The following WLS variants were observed in gnomAD, a reference collection of about 807,000 sequenced individuals.
The protein encoded by WLS is Wnt ligand secretion mediator, also known as protein wntless homolog.
Under a neutral mutation model 62.8 loss-of-function variants are expected in WLS, and 23 were observed. The ratio of observed to expected loss-of-function variants is 0.37; its 90% CI spans 0.26 to 0.52. The LOEUF (loss-of-function observed/expected upper bound fraction) is 0.52. WLS is among the 20% of genes least tolerant of loss of function. WLS has a pLI of 0.92. For missense variants in WLS, 615 were observed against 697.3 expected, an observed-to-expected ratio of 0.88 and a Z score of 1.33; for synonymous variants, 246 against 244.1, an observed-to-expected ratio of 1.01 and a Z score of -0.07.
In WLS at chr1:68,130,539, A is replaced by G. The variant is rs558521976; in HGVS notation, c.1517-4204T>C. The stretch of plus-strand genomic sequence containing the variant: ...CTAGGCCCACACCAACCTCTCTCCT[A>G]TTCACCTTCAAAGCTAAGTTCAAAT... On this transcript the variant is annotated intron_variant, in intron 11 of 11. Transcript: ENST00000262348. Among the ~76,000 whole-genome samples the G allele has an allele frequency of 1.9e-4, 29 of 152,286 alleles. No homozygotes were observed. The East Asian group carries it at 5.6e-3, about 29-fold the overall frequency.
intron 2 of WLS, among the ~76,000 whole-genome samples, chr1:68,160,202 G>C (rs1317854658): frequency 6.6e-6 from 1 of 151,138 alleles, no homozygotes; most frequent in East Asian, 1.9e-4. Context: ...CATTTTGTTA[G>C]GTTATTGGCA....
At chr1:68,153,367 C>T (rs1646852751) in intron 5 of WLS, 150 bp downstream of exon 5, 2 of 962,216 alleles carry the variant, frequency 2.1e-6, no homozygotes, top group Non-Finnish European at 3.0e-6. Flanking sequence ...AGGAAAACTG[C>T]AGGAGAAAAA....
rs377553356 is a variant in WLS, at chr1:68,232,311, C to G, written c.-12G>C. ...ATTGCCCCAGCCATTTTTGCGCCCC[C>G]CCTTTTTCTTTTCTCCTTGAAATAA... On this transcript the variant is annotated 5_prime_UTR_variant, in exon 1 of 12. Transcript: ENST00000262348. 2 of 1,613,126 alleles carry G rather than the reference C, an allele frequency of 1.2e-6. No individual in the cohort carries two copies. The highest frequency in any genetic ancestry group is 2.2e-5 in the East Asian group (1 of 44,822).
chr1:68,147,467 T>C (rs1265010152), intron 8 of WLS, among the ~76,000 whole-genome samples: 1 of 152,182 alleles, frequency 6.6e-6, no homozygotes, highest in Non-Finnish European at 1.5e-5. Flanking sequence ...CAAGGAAGAA[T>C]ACAACCCAAG....
chr1:68,155,197 C>G lies in WLS; in HGVS notation c.568G>C (p.Val190Leu). ...DVLPFMEIGS[V>L]AHKFYLLNIR... is the part of the protein sequence containing the mutation. ...TTTAAAAGGTAAAACTTATGGGCCA[C>G]AGACCCAATTTCCATGAAAGGAAGG... Residue 190 changes from valine (V) to leucine (L), a missense_variant, in exon 4 of 12, where the codon GTG (valine) becomes CTG (leucine). Physicochemically the swap from Val to Leu is conservative, Grantham distance 32. Transcript: ENST00000262348. 6.2e-7 allele frequency: 1 copy of G among 1,613,968 alleles called. No homozygotes were observed.
At chr1:68,116,774 G>C (rs2566762) in intron 11 of WLS, among the ~76,000 whole-genome samples, 1 of 152,128 alleles carries the variant, frequency 6.6e-6, no homozygotes, top group East Asian at 1.9e-4. Flanking sequence ...GTTGTTGGGT[G>C]AATGAATCTA....
chr1:68,146,476 T>A (rs1407566371), intron 8 of WLS, among the ~76,000 whole-genome samples: 1 of 152,184 alleles, frequency 6.6e-6, no homozygotes, highest in Non-Finnish European at 1.5e-5. Flanking sequence ...TGGAATCAGA[T>A]ATTCCAGGGC....
chr1:68,173,194 C>T (rs1481193460), intron 2 of WLS, among the ~76,000 whole-genome samples: 1 of 152,190 alleles, frequency 6.6e-6, no homozygotes, highest in Non-Finnish European at 1.5e-5. Flanking sequence ...GAACTCAGAA[C>T]CATCTAAGTT....
In WLS at chr1:68,125,934, A is replaced by T; in HGVS notation, c.*292T>A. The T allele has an allele frequency of 3.6e-6, 4 of 1,106,016 alleles. No individual in the cohort carries two copies. The highest frequency in any genetic ancestry group is 4.4e-6 in the Non-Finnish European group (4 of 905,484). 68.5% of individuals were successfully genotyped at this position (1,106,016 alleles called of 1,614,324 possible). ...CCCACCCCACCCCCACATGAGGTTT[A>T]CTAACCAGCTGCTACAGATGTTACT... On this transcript the variant is annotated 3_prime_UTR_variant, in exon 12 of 12. Coordinates refer to ENST00000262348, the MANE Select transcript of WLS (RefSeq NM_024911.7).
At chr1:68,205,651 C>T (rs2100636947) in intron 1 of WLS, among the ~76,000 whole-genome samples, 1 of 152,296 alleles carries the variant, frequency 6.6e-6, no homozygotes, top group Non-Finnish European at 1.5e-5. Context: ...GATTTTATGA[C>T]AAAATGTGTC....
At chr1:68,169,830 T>G (rs186758789) in intron 2 of WLS, among the ~76,000 whole-genome samples, 2 of 152,362 alleles carry the variant, frequency 1.3e-5, no homozygotes, top group East Asian at 3.9e-4. Context: ...TAAGGTGTTA[T>G]GTAGCAGCCT....
Position 68,172,149 on chromosome 1 carries a change from C to T in WLS, c.380-12902G>A, listed in dbSNP as rs559790144. Among the ~76,000 whole-genome samples the T allele has an allele frequency of 1.4e-3, 195 of 142,472 alleles. 1 individual carries two copies. The highest frequency in any genetic ancestry group is 4.9e-3 in the African/African-American group (186 of 38,144). 93.5% of individuals were successfully genotyped at this position (142,472 alleles called of 152,430 possible). A position where few individuals can be genotyped will look rare whatever the true frequency, so the allele number is the denominator to read the frequency against. On this transcript the variant is annotated intron_variant, in intron 2 of 11. Transcript: ENST00000262348. ...GGACACAGGGAGGGGAACATCACAC[C>T]TGGGCCTGTTGAGGGGTGGGGGGAT...
intron 1 of WLS, among the ~76,000 whole-genome samples, chr1:68,209,268 C>G (rs538028478): frequency 6.8e-4 from 103 of 152,346 alleles, no homozygotes; most frequent in African/African-American, 2.4e-3. Context: ...AAAATTCATA[C>G]TCCATCAAGC....
At chr1:68,214,866 C>T (rs1649665107) in intron 1 of WLS, among the ~76,000 whole-genome samples, 1 of 152,072 alleles carries the variant, frequency 6.6e-6, no homozygotes, top group Admixed American at 6.6e-5. Flanking sequence ...TGAATTCCAC[C>T]CTGTATTTTA....
chr1:68,120,557 G>A (rs1032090656), downstream of WLS, among the ~76,000 whole-genome samples: 25 of 152,244 alleles, frequency 1.6e-4, no homozygotes, highest in Admixed American at 2.0e-4. Flanking sequence ...AGGTGACCTT[G>A]CACAGGTCAC....
intron 6 of WLS, among the ~76,000 whole-genome samples, chr1:68,149,107 G>A (rs1557476896): frequency 1.3e-5 from 2 of 152,168 alleles, no homozygotes; most frequent in Non-Finnish European, 1.5e-5. Context: ...AGGAAAATAG[G>A]CATATTTTCT....
intron 1 of WLS, among the ~76,000 whole-genome samples, chr1:68,216,342 A>G (rs1345976988): frequency 6.6e-6 from 1 of 152,228 alleles, no homozygotes; most frequent in African/African-American, 2.4e-5. Context: ...GGACTGGCCT[A>G]TCTTAGAGTG....
Position 68,159,240 on chromosome 1 carries a change from A to C in WLS, c.387T>G (p.Asn129Lys), listed in dbSNP as rs756461463. Residue 129 changes from asparagine (N) to lysine (K), a missense_variant, in exon 3 of 12, where the codon AAT becomes AAG. By Grantham distance (94) the Asn-to-Lys change is moderately conservative. Transcript: ENST00000262348. Reference protein sequence around the residue: ...AFKLNNQIRENAEVSMDVSLA... With the variant: ...AFKLNNQIREKAEVSMDVSLA... Reference sequence around the variant, plus strand: ...GGGAAACGTCCATGGAGACTTCTGCATTTTCTCCTGCAAGAGAAAGGATGC... The same window carrying C: ...GGGAAACGTCCATGGAGACTTCTGCCTTTTCTCCTGCAAGAGAAAGGATGC... 6.2e-7 allele frequency: 1 copy of C among 1,612,844 alleles called. No individual in the cohort carries two copies. Among genetic ancestry groups the C allele is most frequent in the Non-Finnish European group, 8.5e-7 (1 of 1,179,718 alleles).
At position 68,126,201 on chromosome 1, in the gene WLS, C is replaced by T. The variant is rs41287850; in HGVS notation, c.*25G>A. The T allele has an allele frequency of 0.036, 58,786 of 1,613,170 alleles. 1,204 individuals carry two copies. The highest frequency in any genetic ancestry group is 0.041 in the Non-Finnish European group (48,013 of 1,179,608). On this transcript the variant is annotated 3_prime_UTR_variant, in exon 12 of 12. Transcript: ENST00000262348. ...TAGAGGGGCTGGGGTATGGAGAGACCGTCCCAGCCGGGCGCTGCAGCCTCC... is the reference window on the plus strand; with the variant it reads ...TAGAGGGGCTGGGGTATGGAGAGACTGTCCCAGCCGGGCGCTGCAGCCTCC...
Sources: gnomAD v4.1 joint callset for allele counts (sites outside exome capture counted in the v4.1 genomes callset) on GRCh38, gnomAD v4.1.1 for gene constraint, MANE v1.5 for transcripts, NCBI Gene and HGNC (gene_info 2026-07-23, HGNC 2026-07-21) for gene names.